STRN3: variants seen among roughly 807,000 people sequenced by gnomAD.
The protein encoded by STRN3 is striatin-3.
STRN3 carries 29 observed loss-of-function variants against 95.6 expected under a neutral mutation model. That is an observed-to-expected ratio of 0.30 (90% confidence interval 0.23 to 0.41). The LOEUF is 0.41. Among genes scored for constraint, STRN3 ranks in the 10% least tolerant of loss-of-function variants. STRN3 has a pLI of 1.00. For synonymous variants in STRN3, 331 were observed against 357.6 expected, an observed-to-expected ratio of 0.93 and a Z score of 0.84; for missense variants, 890 against 972.1, an observed-to-expected ratio of 0.92 and a Z score of 1.12.
intron 5 of STRN3, among the ~76,000 whole-genome samples, chr14:30,944,517 T>TG (rs1879251011): frequency 6.9e-6 from 1 of 145,660 alleles, no homozygotes; most frequent in African/African-American, 2.5e-5. Context: ...TATATATACA[T>TG]AATATATACA....
At chr14:30,983,438 C>T (rs966170263) in intron 1 of STRN3, among the ~76,000 whole-genome samples, 2 of 152,072 alleles carry the variant, frequency 1.3e-5, no homozygotes, top group Non-Finnish European at 2.9e-5. Flanking sequence ...CCAGCTACTC[C>T]GGAGGCTGAG....
chr14:31,010,090 G>C (rs1397091397), intron 1 of STRN3, among the ~76,000 whole-genome samples: 2 of 152,194 alleles, frequency 1.3e-5, no homozygotes, highest in East Asian at 3.9e-4. Context: ...CTGGGTGACG[G>C]TATGAGACCC....
intron 15 of STRN3, among the ~76,000 whole-genome samples, chr14:30,904,342 C>T (rs932258410): frequency 6.6e-6 from 1 of 152,082 alleles, no homozygotes; most frequent in African/African-American, 2.4e-5. Flanking sequence ...ATCTGAACAG[C>T]AATAAATAAA....
rs758306389 is a variant in STRN3 at position 31,013,268 on chromosome 14, G to A, written c.282+12636C>T. 4.9e-4 allele frequency among the ~76,000 whole-genome samples: 74 copies of A among 152,020 alleles called. 1 individual carries two copies. The highest frequency in any genetic ancestry group is 1.6e-3 in the African/African-American group (67 of 41,436). Reference sequence around the variant, plus strand: ...CAGGTTCCTGTAGTTCCAAACTTGCGAGGCTGAGGTGGGAGGATCAATTGA... The same window carrying A: ...CAGGTTCCTGTAGTTCCAAACTTGCAAGGCTGAGGTGGGAGGATCAATTGA... On this transcript the variant is annotated intron_variant, in intron 1 of 17. Coordinates refer to ENST00000357479, the MANE Select transcript of STRN3 (RefSeq NM_001083893.2).
chr14:31,004,540 G>A (rs375129066), intron 1 of STRN3, among the ~76,000 whole-genome samples: 2 of 152,132 alleles, frequency 1.3e-5, no homozygotes, highest in Non-Finnish European at 1.5e-5. Context: ...TTGGGAGGCC[G>A]AGGCGGGTGG....
chr14:30,936,427 T>C, intron 6 of STRN3, 68 bp downstream of exon 6: 1 of 1,517,426 alleles, frequency 6.6e-7, no homozygotes, highest in East Asian at 2.3e-5. Context: ...TAACTTAAGA[T>C]ATCTTAAAAA....
chr14:30,983,033 C>T (rs1356817540), intron 1 of STRN3, among the ~76,000 whole-genome samples: 2 of 152,076 alleles, frequency 1.3e-5, no homozygotes, highest in African/African-American at 4.8e-5. Flanking sequence ...AATTTTTTGT[C>T]TTTTGTTCAC....
intron 1 of STRN3, among the ~76,000 whole-genome samples, chr14:31,009,877 T>C (rs1248544835): frequency 1.3e-5 from 2 of 152,148 alleles, no homozygotes; most frequent in East Asian, 1.9e-4. Context: ...GGTGGTAGGA[T>C]TGCTTGAGAC....
chr14:30,979,600 A>T (rs549178389), intron 1 of STRN3, among the ~76,000 whole-genome samples: 2 of 151,974 alleles, frequency 1.3e-5, no homozygotes, highest in South Asian at 2.1e-4. Context: ...TTTTATTTTT[A>T]TTTATTTATT....
intron 1 of STRN3, among the ~76,000 whole-genome samples, chr14:30,984,374 AGCCT>A (rs1004815079): frequency 6.6e-6 from 1 of 151,388 alleles, no homozygotes; most frequent in African/African-American, 2.4e-5. Context: ...ACTGCACTCC[AGCCT>A]GGGCAACAGA....
intron 1 of STRN3, among the ~76,000 whole-genome samples, chr14:30,993,736 ATAG>A (rs560811732): frequency 1.6e-3 from 238 of 152,170 alleles, no homozygotes; most frequent in African/African-American, 5.5e-3. Context: ...CTGGAGTGCA[ATAG>A]TGCGATCTCG....
intron 1 of STRN3, among the ~76,000 whole-genome samples, chr14:31,001,751 G>A (rs1016843314): frequency 1.8e-4 from 27 of 152,132 alleles, no homozygotes; most frequent in Non-Finnish European, 3.2e-4. Context: ...ATTAACAGAC[G>A]AATGGATCTG....
intron 5 of STRN3, among the ~76,000 whole-genome samples, chr14:30,936,855 G>C (rs1479660940): frequency 6.6e-6 from 1 of 152,074 alleles, no homozygotes; most frequent in African/African-American, 2.4e-5. Context: ...AAATATTTTA[G>C]GTAATTACTG....
At chr14:31,021,597 C>T (rs1009687191) in intron 1 of STRN3, among the ~76,000 whole-genome samples, 2 of 151,966 alleles carry the variant, frequency 1.3e-5, no homozygotes, top group South Asian at 2.1e-4. Flanking sequence ...GAACCAGAAC[C>T]CCACATAATA....
chr14:30,963,885 A>G (rs1444240302), intron 1 of STRN3, among the ~76,000 whole-genome samples: 3 of 152,216 alleles, frequency 2.0e-5, no homozygotes, highest in Non-Finnish European at 4.4e-5. Context: ...AACACAGGAC[A>G]TACCAAAACT....
At chr14:30,980,351 C>A (rs916139765) in intron 1 of STRN3, among the ~76,000 whole-genome samples, 1 of 152,178 alleles carries the variant, frequency 6.6e-6, no homozygotes, top group African/African-American at 2.4e-5. Flanking sequence ...TTTGATTCTG[C>A]TGGTAGTGAA....
intron 1 of STRN3, among the ~76,000 whole-genome samples, chr14:31,024,292 G>A (rs577302392): frequency 6.6e-6 from 1 of 152,064 alleles, no homozygotes; most frequent in Admixed American, 6.6e-5. Context: ...AGGCCTTACT[G>A]CATTTGTCAA....
At chr14:30,960,868 C>CAAAA (rs56227331) in intron 1 of STRN3, among the ~76,000 whole-genome samples, 21 of 47,530 alleles carry the variant, frequency 4.4e-4, no homozygotes, top group East Asian at 1.9e-3. Context: ...GACTCCATCT[C>CAAAA]AAAAAAAAAA....
At chr14:30,961,116 A>C (rs1880183096) in intron 1 of STRN3, among the ~76,000 whole-genome samples, 1 of 152,166 alleles carries the variant, frequency 6.6e-6, no homozygotes. Context: ...ACTTTTATTC[A>C]AGATAAAAGA....
Sources: gnomAD v4.1 joint callset for allele counts (sites outside exome capture counted in the v4.1 genomes callset) on GRCh38, gnomAD v4.1.1 for gene constraint, MANE v1.5 for transcripts, NCBI Gene and HGNC (gene_info 2026-07-23, HGNC 2026-07-21) for gene names.